Variants in WDR35 observed in about 807,000 individuals in gnomAD.
The protein encoded by WDR35 is WD repeat domain 35.
Under a neutral mutation model 158.3 loss-of-function variants are expected in WDR35, and 118 were observed. The observed-to-expected ratio is 0.75, with a 90% CI of 0.64 to 0.87. WDR35 has a LOEUF of 0.87. Ranked by LOEUF, WDR35 falls within the 40% of genes least tolerant of loss-of-function variation. WDR35 has a pLI of 0.00. For missense variants in WDR35, 1,263 were observed against 1,405.8 expected, an observed-to-expected ratio of 0.90 and a Z score of 1.62; for synonymous variants, 448 against 476.1, an observed-to-expected ratio of 0.94 and a Z score of 0.77.
In WDR35 at chr2:19,934,024, A is replaced by AACCACCACCACCACCACCACCACCACC. The variant is rs57759587; in HGVS notation, c.2548-540_2548-514dup. Among the ~76,000 whole-genome samples the AACCACCACCACCACCACCACCACCACC allele has an allele frequency of 5.7e-5, 6 of 105,070 alleles. No homozygotes were observed. The highest frequency in any genetic ancestry group is 2.1e-4 in the Admixed American group (2 of 9,524). 68.9% of individuals were successfully genotyped at this position (105,070 alleles called of 152,430 possible). ...TTGGAAAGTGGTGGCAGCGAGGAAG[A>AACCACCACCACCACCACCACCACCACC]ACCACCACCACCACCACCACCACCA... On this transcript the variant is annotated intron_variant, in intron 21 of 26. Transcript: ENST00000281405. The surrounding 1 kb of genome is among the most constrained non-coding windows in gnomAD (Gnocchi z 4.6).
Position 19,989,245 on chromosome 2 carries a change from G to A in WDR35, c.62C>T (p.Ser21Phe), listed in dbSNP as rs2103473829. The change falls in exon 2 of 27, where the codon TCC becomes TTC. Residue 21 changes from serine (S) to phenylalanine (F), a missense_variant. By Grantham distance (155) the Ser-to-Phe change is radical. Coordinates refer to ENST00000281405, the MANE Select transcript of WDR35 (RefSeq NM_020779.4). ...TATGAACCCTTGTTCCTTGTTCCAG[G>A]ATACACACTGCAGCTTCACGTTATT... ...IPNNVKLQCV[S>F]WNKEQGFIAC... 6.2e-7 allele frequency: 1 copy of A among 1,614,140 alleles called. No homozygotes were observed. Among genetic ancestry groups the A allele is most frequent in the Non-Finnish European group, 8.5e-7 (1 of 1,180,028 alleles).
chr2:19,958,655 G>C (rs1671528532), intron 11 of WDR35, among the ~76,000 whole-genome samples: 1 of 152,154 alleles, frequency 6.6e-6, no homozygotes. Flanking sequence ...ATGGGCCAAG[G>C]CAGTGTTAGG....
chr2:19,928,479 G>C (rs1450107531), intron 25 of WDR35, among the ~76,000 whole-genome samples: 1 of 152,098 alleles, frequency 6.6e-6, no homozygotes, highest in African/African-American at 2.4e-5. Context: ...GCGCCGCTTG[G>C]TTAGGGTCTC....
intron 17 of WDR35, among the ~76,000 whole-genome samples, chr2:19,941,220 A>G (rs530630549): frequency 5.8e-4 from 88 of 152,278 alleles, no homozygotes; most frequent in Non-Finnish European, 1.0e-3. Flanking sequence ...AGGATGGTCA[A>G]TGTAGGCCAA....
intron 22 of WDR35, among the ~76,000 whole-genome samples, chr2:19,932,786 A>G (rs1185807985): frequency 6.6e-6 from 1 of 152,172 alleles, no homozygotes; most frequent in African/African-American, 2.4e-5. Context: ...AAAATATGCA[A>G]TTTCAGTTGT....
intron 11 of WDR35, among the ~76,000 whole-genome samples, chr2:19,958,981 T>C (rs1401138803): frequency 6.6e-6 from 1 of 152,132 alleles, no homozygotes; most frequent in East Asian, 1.9e-4. Flanking sequence ...AGAGTATCAC[T>C]CACAGACTTT....
intron 8 of WDR35, among the ~76,000 whole-genome samples, chr2:19,973,053 T>C (rs1672079718): frequency 6.6e-6 from 1 of 152,152 alleles, no homozygotes; most frequent in African/African-American, 2.4e-5. Context: ...AATGCTTTTA[T>C]TTTAATGTAG....
Position 19,935,543 on chromosome 2 carries a change from G to A in WDR35, c.2475C>T (p.Tyr825=), listed in dbSNP as rs1670663964. Residue 825 remains tyrosine, a synonymous_variant, in exon 21 of 27, where the codon TAC becomes TAT. Transcript: ENST00000281405. ...ACCCTTCATAATCCTCTAACATATA[G>A]TAACATTCAGCTAAGCGTTCCTGGT... is the stretch of plus-strand genomic sequence containing the variant. ...GRNQERLAEC[Y]YMLEDYEGLE... 2 of 1,612,962 alleles carry A rather than the reference G, an allele frequency of 1.2e-6. No homozygotes were observed. The highest frequency in any genetic ancestry group is 1.7e-6 in the Non-Finnish European group (2 of 1,179,572).
chr2:19,962,311 T>TC lies in WDR35; in HGVS notation c.1195-1698dup, dbSNP rs1327489348. The TC allele has an allele frequency of 6.2e-7, 1 of 1,613,120 alleles. No individual in the cohort carries two copies. The highest frequency in any genetic ancestry group is 1.7e-5 in the Admixed American group (1 of 60,016). On this transcript the variant is annotated intron_variant, in intron 10 of 26. Transcript: ENST00000281405. Reference sequence around the variant, plus strand: ...ATTTGTTACCGTTGCACCAAATGTCTCCATCTCGTTCTCCTCCTTTGAAGC... The same window carrying TC: ...ATTTGTTACCGTTGCACCAAATGTCTCCCATCTCGTTCTCCTCCTTTGAAGC...
intron 16 of WDR35, among the ~76,000 whole-genome samples, chr2:19,945,125 T>A (rs960665794): frequency 1.3e-5 from 2 of 152,108 alleles, no homozygotes; most frequent in African/African-American, 4.8e-5. Flanking sequence ...AGCTGAGAGT[T>A]GGCCAGAGTA....
chr2:19,960,827 C>T (rs1214526064), intron 10 of WDR35, among the ~76,000 whole-genome samples: 1 of 152,176 alleles, frequency 6.6e-6, no homozygotes, highest in African/African-American at 2.4e-5. Context: ...ACCAAGGCTG[C>T]TTTCTCAATG....
intron 8 of WDR35, 140 bp from the exon 9 acceptor site, chr2:19,969,745 T>C: frequency 1.0e-6 from 1 of 961,286 alleles, no homozygotes; most frequent in Non-Finnish European, 1.5e-6. Flanking sequence ...TCATGTTTCT[T>C]GAATTTTTTT....
At chr2:19,979,796 C>T (rs1672327738) in intron 4 of WDR35, among the ~76,000 whole-genome samples, 1 of 151,934 alleles carries the variant, frequency 6.6e-6, no homozygotes, top group Admixed American at 6.6e-5. Flanking sequence ...CACACACACA[C>T]ACACACACAC....
At chr2:19,921,403 G>C (rs992494063) in intron 25 of WDR35, among the ~76,000 whole-genome samples, 2 of 152,118 alleles carry the variant, frequency 1.3e-5, no homozygotes, top group African/African-American at 4.8e-5. Flanking sequence ...GAACAGAATA[G>C]AGGCCTCAGA....
In WDR35 at chr2:19,932,360, T is replaced by C. The variant is rs2103398404; in HGVS notation, c.2746A>G (p.Lys916Glu). Residue 916 changes from lysine to glutamate, a missense_variant, in exon 23 of 27, where the codon AAG becomes GAG. Lys to Glu is a moderately conservative substitution (Grantham distance 56). Transcript: ENST00000281405. ...LARYASHLLE[K>E]NKTLDAIELY... Reference sequence around the variant, plus strand: ...TCTATGGCATCAAGAGTTTTATTCTTTTCCAGTAAATGAGATGCATACCTA... The same window carrying C: ...TCTATGGCATCAAGAGTTTTATTCTCTTCCAGTAAATGAGATGCATACCTA... 6 of 1,613,358 alleles carry C rather than the reference T, an allele frequency of 3.7e-6. No individual in the cohort carries two copies. The highest frequency in any genetic ancestry group is 2.2e-5 in the East Asian group (1 of 44,710).
chr2:19,933,870 G>T (rs1485329946), intron 21 of WDR35, among the ~76,000 whole-genome samples: 4 of 152,138 alleles, frequency 2.6e-5, no homozygotes, highest in Non-Finnish European at 5.9e-5. Context: ...TATACTCAGT[G>T]CTAATTATTA....
chr2:19,976,694 T>G (rs1313349988), intron 5 of WDR35, among the ~76,000 whole-genome samples: 1 of 151,836 alleles, frequency 6.6e-6, no homozygotes, highest in East Asian at 1.9e-4. Flanking sequence ...GATACTTTTT[T>G]TTTTTTTTTT....
At chr2:19,961,629 C>A (rs557337547) in intron 10 of WDR35, among the ~76,000 whole-genome samples, 1 of 152,250 alleles carries the variant, frequency 6.6e-6, no homozygotes, top group East Asian at 1.9e-4. Flanking sequence ...GCAATGGTTA[C>A]CAAGTGGTGG....
At chr2:19,957,476 A>C (rs1671483789) in intron 11 of WDR35, among the ~76,000 whole-genome samples, 1 of 152,222 alleles carries the variant, frequency 6.6e-6, no homozygotes, top group Non-Finnish European at 1.5e-5. Flanking sequence ...AACACAGCCA[A>C]GATGAAGGCC....
Sources: gnomAD v4.1 joint callset for allele counts (sites outside exome capture counted in the v4.1 genomes callset) on GRCh38, gnomAD v4.1.1 for gene constraint, Gnocchi (gnomAD v3.1) non-coding constraint, MANE v1.5 for transcripts, NCBI Gene and HGNC (gene_info 2026-07-23, HGNC 2026-07-21) for gene names.